Variants in TOP6BL observed in about 807,000 individuals in gnomAD.
TOP6BL encodes type 2 DNA topoisomerase 6 subunit B-like.
At chr11:66,826,559 G>A in the TOP6BL span, among the ~76,000 whole-genome samples, 16 of 152,124 alleles carry the variant, frequency 1.1e-4, no homozygotes, top group African/African-American at 3.4e-4. Context: ...TGGGTCATGT[G>A]GATAGCACAG....
the TOP6BL span, among the ~76,000 whole-genome samples, chr11:66,803,684 C>T: frequency 5.9e-5 from 9 of 152,240 alleles, no homozygotes; most frequent in Admixed American, 5.2e-4. Flanking sequence ...CTCAGCCTCC[C>T]AAAGTGCTGG....
the TOP6BL span, among the ~76,000 whole-genome samples, chr11:66,769,538 G>A: frequency 1.3e-5 from 2 of 150,732 alleles, no homozygotes; most frequent in African/African-American, 4.9e-5. Flanking sequence ...GAAAAGTCTA[G>A]TATCCAGTGT....
the TOP6BL span, among the ~76,000 whole-genome samples, chr11:66,779,465 C>A: frequency 5.9e-5 from 9 of 152,156 alleles, no homozygotes; most frequent in African/African-American, 1.7e-4. Context: ...CAATGAGATA[C>A]CATCTCACAC....
At chr11:66,827,139 G>A in the TOP6BL span, among the ~76,000 whole-genome samples, 2 of 151,556 alleles carry the variant, frequency 1.3e-5, no homozygotes, top group Non-Finnish European at 2.9e-5. Flanking sequence ...GTGCCACCAC[G>A]CCTGACTAAT....
At chr11:66,830,187 A>G in the TOP6BL span, among the ~76,000 whole-genome samples, 131 of 152,342 alleles carry the variant, frequency 8.6e-4, no homozygotes, top group African/African-American at 3.1e-3. Flanking sequence ...ATTTTAAAAG[A>G]TCTAAGTCAT....
At chr11:66,815,437 A>G in the TOP6BL span, among the ~76,000 whole-genome samples, 1 of 152,208 alleles carries the variant, frequency 6.6e-6, no homozygotes, top group African/African-American at 2.4e-5. Flanking sequence ...GAAAGTGACC[A>G]CTGGGCAATG....
At chr11:66,835,053 TA>T in the TOP6BL span, among the ~76,000 whole-genome samples, 1 of 151,520 alleles carries the variant, frequency 6.6e-6, no homozygotes, top group African/African-American at 2.4e-5. Flanking sequence ...AGACTAGAAA[TA>T]AATGTCCCAT....
the TOP6BL span, among the ~76,000 whole-genome samples, chr11:66,824,678 T>C: frequency 3.4e-5 from 5 of 146,772 alleles, no homozygotes; most frequent in Admixed American, 2.7e-4. Flanking sequence ...TTCGCACTTA[T>C]GAGTGAGAAC....
the TOP6BL span, among the ~76,000 whole-genome samples, chr11:66,776,114 A>G: frequency 6.6e-6 from 1 of 151,298 alleles, no homozygotes. Context: ...GCTGGAGTGC[A>G]GTGGCGTGAT....
At chr11:66,822,871 G>T in the TOP6BL span, among the ~76,000 whole-genome samples, 1 of 151,940 alleles carries the variant, frequency 6.6e-6, no homozygotes, top group African/African-American at 2.4e-5. Context: ...AGGTGGAGTG[G>T]TGCACACCTG....
the TOP6BL span, among the ~76,000 whole-genome samples, chr11:66,797,764 C>T: frequency 1.3e-4 from 20 of 152,152 alleles, no homozygotes; most frequent in Non-Finnish European, 2.5e-4. Flanking sequence ...CTCAGACTCT[C>T]AAAATGCTGG....
At chr11:66,840,968 C>G in the TOP6BL span, among the ~76,000 whole-genome samples, 4 of 152,180 alleles carry the variant, frequency 2.6e-5, no homozygotes, top group African/African-American at 4.8e-5. Context: ...CTGGGAGATT[C>G]ATTTGCTCAC....
the TOP6BL span, among the ~76,000 whole-genome samples, chr11:66,746,884 T>C: frequency 6.6e-6 from 1 of 151,444 alleles, no homozygotes; most frequent in Non-Finnish European, 1.5e-5. Context: ...GTCCCCTCTC[T>C]CCCCCCAAAA....
At chr11:66,774,009 G>A in the TOP6BL span, among the ~76,000 whole-genome samples, 1 of 152,194 alleles carries the variant, frequency 6.6e-6, no homozygotes, top group African/African-American at 2.4e-5. Flanking sequence ...GATTCTAGGT[G>A]TGAGCCACCA....
the TOP6BL span, among the ~76,000 whole-genome samples, chr11:66,833,886 T>C: frequency 6.6e-6 from 1 of 151,568 alleles, no homozygotes; most frequent in Non-Finnish European, 1.5e-5. Flanking sequence ...GGGCGGAGGT[T>C]GCAGTGAGCC....
the TOP6BL span, among the ~76,000 whole-genome samples, chr11:66,775,730 T>C: frequency 3.9e-5 from 6 of 152,140 alleles, no homozygotes; most frequent in Admixed American, 6.5e-5. Context: ...TAATTTGATA[T>C]TGCTGTTGAG....
At chr11:66,810,512 A>G in the TOP6BL span, among the ~76,000 whole-genome samples, 3 of 152,326 alleles carry the variant, frequency 2.0e-5, no homozygotes, top group East Asian at 5.8e-4. Context: ...GATGGTTTTG[A>G]GGTCTTCAGT....
the TOP6BL span, among the ~76,000 whole-genome samples, chr11:66,772,160 A>G: frequency 2.5e-4 from 38 of 152,338 alleles, no homozygotes; most frequent in Non-Finnish European, 4.3e-4. Flanking sequence ...AGTTAACTGT[A>G]AATGTGGCCC....
chr11:66,816,129 A>G, the TOP6BL span: 1 of 1,606,666 alleles, frequency 6.2e-7, no homozygotes, highest in Non-Finnish European at 8.5e-7. Context: ...ATCCTCAAGG[A>G]CAAACTCTGC....
Sources: gnomAD v4.1 joint callset for allele counts (sites outside exome capture counted in the v4.1 genomes callset) on GRCh38, gnomAD v4.1.1 for gene constraint, MANE v1.5 for transcripts, NCBI Gene and HGNC (gene_info 2026-07-23, HGNC 2026-07-21) for gene names.